The following PCDH17 variants were observed in gnomAD, a reference collection of about 807,000 sequenced individuals.
The protein encoded by PCDH17 is protocadherin-17.
In PCDH17, 21 loss-of-function variants were observed where a neutral mutation model predicts 67.7. That is an observed-to-expected ratio of 0.31 (90% confidence interval 0.22 to 0.45). The LOEUF is 0.45. Among genes scored for constraint, PCDH17 ranks in the 20% least tolerant of loss-of-function variants. The pLI is 1.00. For missense variants in PCDH17, 1,471 were observed against 1,564.8 expected (o/e 0.94, Z 1.01); for synonymous variants, 701 against 656.7 (o/e 1.07, Z -1.03).
chr13:57,631,212 T>C (rs779869401), upstream of PCDH17, among the ~76,000 whole-genome samples: 1 of 152,212 alleles, frequency 6.6e-6, no homozygotes, highest in Non-Finnish European at 1.5e-5. Flanking sequence ...AGGTTTTCTT[T>C]TCTAGATGAA....
At chr13:57,662,044 T>C (rs1035862023) in intron 1 of PCDH17, among the ~76,000 whole-genome samples, 9 of 152,024 alleles carry the variant, frequency 5.9e-5, no homozygotes, top group Non-Finnish European at 1.2e-4. Context: ...ATTTTTCTTT[T>C]AGTAGACAAG....
Position 57,668,481 on chromosome 13 carries a change from C to A in PCDH17, c.2797+1648C>A, listed in dbSNP as rs536778189. Among the ~76,000 whole-genome samples, 34 of 152,076 alleles carry A rather than the reference C, an allele frequency of 2.2e-4. 1 individual carries two copies. The South Asian group carries it at 6.8e-3, about 31-fold the overall frequency. ...TTCACATTAACTGTTTAATTTCATG[C>A]CAACCACTAACTTAGAAATGTATTT... is the stretch of plus-strand genomic sequence containing the variant. On this transcript the variant is annotated intron_variant, in intron 3 of 3. Transcript: ENST00000377918.
At chr13:57,686,917 A>G (rs1345179006) in intron 3 of PCDH17, among the ~76,000 whole-genome samples, 1 of 151,980 alleles carries the variant, frequency 6.6e-6, no homozygotes, top group Non-Finnish European at 1.5e-5. Context: ...TGTTTCACAA[A>G]TCTTTTTGTT....
At chr13:57,720,000 T>G (rs1667571332) in intron 3 of PCDH17, among the ~76,000 whole-genome samples, 1 of 152,046 alleles carries the variant, frequency 6.6e-6, no homozygotes, top group African/African-American at 2.4e-5. Context: ...AAAATTAAAT[T>G]ATATAACATT....
intron 3 of PCDH17, among the ~76,000 whole-genome samples, chr13:57,675,889 A>G (rs185377337): frequency 1.3e-5 from 2 of 152,042 alleles, no homozygotes; most frequent in Admixed American, 6.6e-5. Flanking sequence ...AAGTAGTCCA[A>G]GGCAAGAGAA....
intron 3 of PCDH17, among the ~76,000 whole-genome samples, chr13:57,700,895 G>A (rs530935781): frequency 8.5e-5 from 13 of 152,190 alleles, no homozygotes; most frequent in Non-Finnish European, 1.8e-4. Context: ...CAGGCCTGGT[G>A]ATGTGTGCTT....
chr13:57,657,068 C>T (rs560148944), intron 1 of PCDH17, among the ~76,000 whole-genome samples: 21 of 152,044 alleles, frequency 1.4e-4, no homozygotes, highest in African/African-American at 3.9e-4. Flanking sequence ...TAACTTTTTT[C>T]GAGATTCATA....
intron 1 of PCDH17, among the ~76,000 whole-genome samples, chr13:57,637,378 T>C (rs1566215977): frequency 6.6e-6 from 1 of 152,004 alleles, no homozygotes; most frequent in Non-Finnish European, 1.5e-5. Context: ...CTTTCAAATA[T>C]ATCAGGTTTA....
chr13:57,656,051 A>C (rs2138007693), intron 1 of PCDH17, among the ~76,000 whole-genome samples: 1 of 152,118 alleles, frequency 6.6e-6, no homozygotes, highest in South Asian at 2.1e-4. Context: ...AAATCTATGA[A>C]AGTCACTTAG....
chr13:57,640,038 A>G (rs1326037629), intron 1 of PCDH17, among the ~76,000 whole-genome samples: 3 of 152,008 alleles, frequency 2.0e-5, no homozygotes, highest in Non-Finnish European at 4.4e-5. Context: ...GGTTAAAATA[A>G]TCCCAAATAT....
In PCDH17 at chr13:57,632,618, C is replaced by G; in HGVS notation, c.72C>G (p.Ser24=). 1.2e-6 allele frequency: 2 copies of G among 1,613,748 alleles called. No individual in the cohort carries two copies. The highest frequency in any genetic ancestry group is 8.5e-7 in the Non-Finnish European group (1 of 1,179,968). ...PALTLKNLNY[S]VPEEQGAGTV... ...TCACTCTCAAGAACCTCAACTACTCCGTGCCGGAGGAGCAAGGGGCCGGCA... is the reference window on the plus strand; with the variant it reads ...TCACTCTCAAGAACCTCAACTACTCGGTGCCGGAGGAGCAAGGGGCCGGCA... The change falls in exon 1 of 4, where the codon TCC becomes TCG. Residue 24 remains serine (S), a synonymous_variant. Coordinates refer to ENST00000377918, the MANE Select transcript of PCDH17 (RefSeq NM_001040429.3).
Position 57,633,073 on chromosome 13 carries a change from A to T in PCDH17, c.527A>T (p.His176Leu). ...LRTYLLTRDDHGLFGLDVKSR... is the reference protein window; with the variant it reads ...LRTYLLTRDDLGLFGLDVKSR... Reference sequence around the variant, plus strand: ...ACCTACCTGCTCACGCGCGACGATCACGGCCTCTTTGGACTGGACGTTAAG... The same window carrying T: ...ACCTACCTGCTCACGCGCGACGATCTCGGCCTCTTTGGACTGGACGTTAAG... Residue 176 changes from histidine to leucine, a missense_variant, in exon 1 of 4, where the codon CAC (histidine) becomes CTC (leucine). By Grantham distance (99) the His-to-Leu change is moderately conservative (BLOSUM62 -3). Transcript: ENST00000377918. This position sits in a 1 kb window ranked among gnomAD's most constrained non-coding sequence, Gnocchi z 6.2. 1 of 1,613,374 alleles carries T rather than the reference A, an allele frequency of 6.2e-7. No homozygotes were observed. The highest frequency in any genetic ancestry group is 8.5e-7 in the Non-Finnish European group (1 of 1,179,966).
rs1180138008 is a variant in PCDH17 at position 57,666,645 on chromosome 13, T to A, written c.2625-16T>A. 3 of 1,609,374 alleles carry A rather than the reference T, an allele frequency of 1.9e-6. No homozygotes were observed. The highest frequency in any genetic ancestry group is 2.5e-6 in the Non-Finnish European group (3 of 1,177,492). ...GAGACAACACTTTCTCTTCTTTTTCTTTATATGTATTTCAGTAGCTCCACG... is the reference window on the plus strand; with the variant it reads ...GAGACAACACTTTCTCTTCTTTTTCATTATATGTATTTCAGTAGCTCCACG... On this transcript the variant is annotated splice_polypyrimidine_tract_variant and intron_variant, in intron 2 of 3. Transcript: ENST00000377918.
chr13:57,683,550 A>G (rs185098531), intron 3 of PCDH17, among the ~76,000 whole-genome samples: 94 of 152,008 alleles, frequency 6.2e-4, no homozygotes, highest in Non-Finnish European at 7.5e-4. Context: ...ATATTGTACT[A>G]TAAAGTATAT....
At chr13:57,672,199 G>A (rs1309732719) in intron 3 of PCDH17, among the ~76,000 whole-genome samples, 1 of 151,940 alleles carries the variant, frequency 6.6e-6, no homozygotes, top group African/African-American at 2.4e-5. Context: ...CTTCCTTAAG[G>A]ATGGCCTTTT....
chr13:57,682,891 A>G (rs1955467427), intron 3 of PCDH17, among the ~76,000 whole-genome samples: 1 of 151,946 alleles, frequency 6.6e-6, no homozygotes, highest in Admixed American at 6.6e-5. Flanking sequence ...TGTTAAAGTC[A>G]GTAGCAGATA....
At chr13:57,665,608 CAAG>C (rs1194862768) in intron 1 of PCDH17, among the ~76,000 whole-genome samples, 1 of 151,956 alleles carries the variant, frequency 6.6e-6, no homozygotes, top group Non-Finnish European at 1.5e-5. Flanking sequence ...GAGTCAGCTG[CAAG>C]AAGAAGTAAT....
chr13:57,670,180 T>C (rs1480904538), intron 3 of PCDH17, among the ~76,000 whole-genome samples: 1 of 151,986 alleles, frequency 6.6e-6, no homozygotes, highest in Admixed American at 6.6e-5. Context: ...AGAAATAATG[T>C]TAAAATGTTA....
intron 1 of PCDH17, among the ~76,000 whole-genome samples, chr13:57,639,231 A>G (rs1954861642): frequency 6.6e-6 from 1 of 151,916 alleles, no homozygotes; most frequent in Admixed American, 6.6e-5. Context: ...AGAGTACACA[A>G]TAATTACATA....
Sources: gnomAD v4.1 joint callset for allele counts (sites outside exome capture counted in the v4.1 genomes callset) on GRCh38, gnomAD v4.1.1 for gene constraint, Gnocchi (gnomAD v3.1) non-coding constraint, MANE v1.5 for transcripts, NCBI Gene and HGNC (gene_info 2026-07-23, HGNC 2026-07-21) for gene names.